CDH9: variants seen among roughly 807,000 people sequenced by gnomAD.
CDH9 encodes cadherin 9.
A neutral mutation model predicts 70.9 loss-of-function variants in CDH9; 28 were observed. That is an observed-to-expected ratio of 0.40 (90% confidence interval 0.29 to 0.54). The LOEUF is 0.54. Among genes scored for constraint, CDH9 ranks in the 20% least tolerant of loss-of-function variants. The probability of loss-of-function intolerance (pLI) is 0.59; values close to 1 mark genes in which losing one functional copy is unlikely to be tolerated. For missense variants in CDH9, 874 were observed against 984.4 expected (o/e 0.89, Z 1.50); for synonymous variants, 409 against 343.1 (o/e 1.19, Z -2.12).
At chr5:26,974,955 A>G (rs1210362060) in intron 2 of CDH9, among the ~76,000 whole-genome samples, 1 of 152,110 alleles carries the variant, frequency 6.6e-6, no homozygotes, top group African/African-American at 2.4e-5. Flanking sequence ...TATCACTAAC[A>G]GTTTTGACCC....
intron 1 of CDH9, among the ~76,000 whole-genome samples, chr5:27,037,212 C>T (rs1743408445): frequency 6.6e-6 from 1 of 151,928 alleles, no homozygotes; most frequent in African/African-American, 2.4e-5. Context: ...GGAAGATTCC[C>T]TTCTGTCTTG....
intron 2 of CDH9, among the ~76,000 whole-genome samples, chr5:26,941,382 C>T (rs1741659427): frequency 6.6e-6 from 1 of 152,180 alleles, no homozygotes; most frequent in Non-Finnish European, 1.5e-5. Flanking sequence ...GAAACATCTG[C>T]TTGTTTTGTA....
chr5:27,000,897 A>T (rs1440862652), intron 1 of CDH9, among the ~76,000 whole-genome samples: 1 of 152,148 alleles, frequency 6.6e-6, no homozygotes, highest in Non-Finnish European at 1.5e-5. Flanking sequence ...GTTATATGAC[A>T]TTCTGCAATA....
chr5:26,907,618 C>T (rs1740972824), intron 3 of CDH9, among the ~76,000 whole-genome samples: 1 of 151,906 alleles, frequency 6.6e-6, no homozygotes, highest in Non-Finnish European at 1.5e-5. Flanking sequence ...TCTTTCAAAA[C>T]ATAAAAGTGC....
rs191217260 is a variant in CDH9 at position 26,894,767 on chromosome 5, T to C, written c.1254-4203A>G. Among the ~76,000 whole-genome samples the C allele has an allele frequency of 1.4e-4, 22 of 152,146 alleles. No individual in the cohort carries two copies. In the East Asian group the frequency reaches 3.3e-3, roughly 23 times the overall value. On this transcript the variant is annotated intron_variant, in intron 7 of 11. Coordinates refer to ENST00000231021, the MANE Select transcript of CDH9 (RefSeq NM_016279.4). ...CTATGTTCCAGCAGATGGCCTACTA[T>C]AACAACAATATTTTATTGGTCCCCC...
At position 26,965,574 on chromosome 5, in the gene CDH9, T is replaced by TTAATAATAATAATAA. The variant is rs59563835; in HGVS notation, c.228+22517_228+22531dup. 7.1e-3 allele frequency among the ~76,000 whole-genome samples: 1,045 copies of TTAATAATAATAATAA among 146,718 alleles called. 6 individuals are homozygous for TTAATAATAATAATAA. The highest frequency in any genetic ancestry group is 0.014 in the Middle Eastern group (4 of 280). ...GTGCATGACAGAGTGAGACTCTGTC[T>TTAATAATAATAATAA]TAATAATAATAATAATAATAATAAT... is the stretch of plus-strand genomic sequence containing the variant. On this transcript the variant is annotated intron_variant, in intron 2 of 11. Coordinates refer to ENST00000231021, the MANE Select transcript of CDH9 (RefSeq NM_016279.4).
intron 8 of CDH9, 128 bp from the exon 9 acceptor site, chr5:26,890,085 T>C: frequency 1.2e-6 from 1 of 800,842 alleles, no homozygotes; most frequent in Non-Finnish European, 2.1e-6. Context: ...TGCTGATGAA[T>C]ATCTCAGCTC....
chr5:26,971,350 T>C (rs912197074), intron 2 of CDH9, among the ~76,000 whole-genome samples: 4 of 152,196 alleles, frequency 2.6e-5, no homozygotes, highest in Admixed American at 1.3e-4. Flanking sequence ...AGGCAATTTT[T>C]ACACTCTGGG....
chr5:26,905,543 G>A (rs576257662), intron 5 of CDH9, among the ~76,000 whole-genome samples: 3 of 152,200 alleles, frequency 2.0e-5, no homozygotes, highest in African/African-American at 7.2e-5. Context: ...AGGTAGCTGA[G>A]GTAAGACAAG....
At chr5:26,898,466 C>G (rs1372589033) in intron 7 of CDH9, among the ~76,000 whole-genome samples, 2 of 152,058 alleles carry the variant, frequency 1.3e-5, no homozygotes, top group Non-Finnish European at 1.5e-5. Flanking sequence ...TTACTGGCAC[C>G]AAAACAGATA....
chr5:26,935,683 G>A (rs942776275), intron 2 of CDH9, among the ~76,000 whole-genome samples: 1 of 152,112 alleles, frequency 6.6e-6, no homozygotes, highest in Non-Finnish European at 1.5e-5. Flanking sequence ...AACCACTATG[G>A]AAAACAGTAT....
chr5:27,006,399 T>A (rs1003150534), intron 1 of CDH9, among the ~76,000 whole-genome samples: 1 of 152,068 alleles, frequency 6.6e-6, no homozygotes, highest in Non-Finnish European at 1.5e-5. Flanking sequence ...GTTTAGCCAG[T>A]GTGAAGCACA....
chr5:26,952,901 CAAAAAAA>C (rs70939788), intron 2 of CDH9, among the ~76,000 whole-genome samples: 6 of 105,268 alleles, frequency 5.7e-5, no homozygotes, highest in African/African-American at 1.6e-4. Context: ...GTTTCTATTC[CAAAAAAA>C]AAAAAAAAAA....
intron 2 of CDH9, among the ~76,000 whole-genome samples, chr5:26,926,026 T>C (rs1390695441): frequency 6.6e-6 from 1 of 152,132 alleles, no homozygotes; most frequent in Admixed American, 6.6e-5. Flanking sequence ...CTTTGAAAAC[T>C]GGCACAAGAC....
chr5:26,991,762 T>C (rs536108792), intron 1 of CDH9, among the ~76,000 whole-genome samples: 3 of 152,160 alleles, frequency 2.0e-5, no homozygotes, highest in Non-Finnish European at 2.9e-5. Context: ...TCTAGATTAT[T>C]TATGAACTAG....
At chr5:27,024,331 G>A (rs1447475863) in intron 1 of CDH9, among the ~76,000 whole-genome samples, 3 of 151,938 alleles carry the variant, frequency 2.0e-5, no homozygotes, top group South Asian at 2.1e-4. Flanking sequence ...CTGCATTCAT[G>A]ATTAATTATA....
chr5:27,002,853 GC>G, intron 1 of CDH9, among the ~76,000 whole-genome samples: 1 of 151,722 alleles, frequency 6.6e-6, no homozygotes, highest in East Asian at 1.9e-4. Flanking sequence ...CACCAACATG[GC>G]ACATGTACAC....
intron 2 of CDH9, among the ~76,000 whole-genome samples, chr5:26,947,700 CTG>C (rs1741777673): frequency 6.6e-6 from 1 of 152,074 alleles, no homozygotes; most frequent in Admixed American, 6.6e-5. Flanking sequence ...CGAAGAAATG[CTG>C]TTTTAGAGAG....
chr5:26,945,773 G>C (rs776431843), intron 2 of CDH9, among the ~76,000 whole-genome samples: 9 of 152,188 alleles, frequency 5.9e-5, no homozygotes, highest in African/African-American at 2.2e-4. Flanking sequence ...TGATAATAGC[G>C]GAAACCTGGA....
Sources: gnomAD v4.1 joint callset for allele counts (sites outside exome capture counted in the v4.1 genomes callset) on GRCh38, gnomAD v4.1.1 for gene constraint, MANE v1.5 for transcripts, NCBI Gene and HGNC (gene_info 2026-07-23, HGNC 2026-07-21) for gene names.